Variants in PCSK6 observed in about 807,000 individuals in gnomAD.
The protein encoded by PCSK6 is paired basic amino acid cleaving enzyme 4.
PCSK6 carries 85 observed loss-of-function variants against 123.3 expected under a neutral mutation model. That is an observed-to-expected ratio of 0.69 (90% CI 0.58 to 0.83). PCSK6 has a LOEUF of 0.83. Among genes scored for constraint, PCSK6 ranks in the 40% least tolerant of loss-of-function variants. PCSK6 has a pLI of 0.00. For missense variants in PCSK6, 1,191 were observed against 1,282.3 expected (o/e 0.93, Z 1.09); for synonymous variants, 508 against 516.0 (o/e 0.98, Z 0.21).
intron 13 of PCSK6, among the ~76,000 whole-genome samples, chr15:101,338,506 G>A (rs1242890543): frequency 6.6e-6 from 1 of 152,218 alleles, no homozygotes; most frequent in Non-Finnish European, 1.5e-5. Flanking sequence ...ACAGGCAGAT[G>A]TGTCCAGGGA....
At chr15:101,412,349 C>T (rs192606375) in intron 6 of PCSK6, among the ~76,000 whole-genome samples, 64 of 152,122 alleles carry the variant, frequency 4.2e-4, no homozygotes, top group African/African-American at 1.5e-3. Context: ...ATGGAGGAAA[C>T]GGATGCTGGA....
At chr15:101,348,067 C>G (rs1383698095) in intron 13 of PCSK6, among the ~76,000 whole-genome samples, 3 of 152,230 alleles carry the variant, frequency 2.0e-5, no homozygotes, top group African/African-American at 7.2e-5. Flanking sequence ...GTGTTACCTG[C>G]CCCCTCCAGG....
Position 101,489,540 on chromosome 15 carries a change from A to G in PCSK6, c.131T>C (p.Leu44Pro). Residue 44 changes from leucine to proline, a missense_variant, in exon 1 of 22, where the codon CTC becomes CCC. Leu to Pro is a moderately conservative substitution (Grantham distance 98). Coordinates refer to ENST00000611716, the MANE Select transcript of PCSK6 (RefSeq NM_002570.5). ...CAGCCAGCGCCAGGGACGCGGCGCG[A>G]GCGGCCGGAACCCGGGCCCGCCGGC... ...GGAGGPGFRP[L>P]APRPWRWLLL... 2.0e-6 allele frequency: 2 copies of G among 996,392 alleles called. No individual in the cohort carries two copies. Among genetic ancestry groups the G allele is most frequent in the Non-Finnish European group, 1.2e-6 (1 of 841,012 alleles). 61.7% of individuals were successfully genotyped at this position (996,392 alleles called of 1,614,324 possible).
chr15:101,445,437 T>C (rs574185758), intron 1 of PCSK6, among the ~76,000 whole-genome samples: 161 of 152,334 alleles, frequency 1.1e-3, no homozygotes, highest in Non-Finnish European at 1.8e-3. Context: ...AAGTGCTCGA[T>C]ACACGGTTTT....
In PCSK6 at chr15:101,305,882, G is replaced by A. The variant is rs1238316138; in HGVS notation, c.2813-527C>T. 2 of 155,044 alleles carry A rather than the reference G, an allele frequency of 1.3e-5. No homozygotes were observed. Among genetic ancestry groups the A allele is most frequent in the African/African-American group, 2.4e-5 (1 of 41,434 alleles). The allele number at this position is 155,044 out of a possible 1,614,324, so 9.6% of individuals were successfully genotyped here. A position where few individuals can be genotyped will look rare whatever the true frequency, so the allele number is the denominator to read the frequency against. ...CTCTGGGAGCCCTGTGTGGCGGGAG[G>A]GCACTGGTATATGGGGCTCTTGCTG... is the stretch of plus-strand genomic sequence containing the variant. On this transcript the variant is annotated intron_variant, in intron 21 of 21. Transcript: ENST00000611716. This position sits in a 1 kb window ranked among gnomAD's most constrained non-coding sequence, Gnocchi z 4.8.
intron 18 of PCSK6, among the ~76,000 whole-genome samples, chr15:101,319,999 C>T (rs2040080009): frequency 1.3e-5 from 2 of 152,118 alleles, no homozygotes; most frequent in Admixed American, 1.3e-4. Flanking sequence ...TCGTGATTGA[C>T]ATCAAAGTGG....
rs773637206 is a variant in PCSK6, at chr15:101,307,233, G to T, written c.2792C>A (p.Thr931Asn). The change falls in exon 21 of 22, where the codon ACC (threonine) becomes AAC (asparagine). Residue 931 changes from threonine (T) to asparagine (N), a missense_variant. Physicochemically the swap from Thr to Asn is moderately conservative, Grantham distance 65. This residue lies in a region of PCSK6 where 630 missense variants were observed against 631.4 expected (regional missense o/e 1.00). Transcript: ENST00000611716. Reference sequence around the variant, plus strand: ...CTCACCGTTGCTGCACGTGTGGTTGGTGATGCAGGAGGTCCCCAGCTGTGT... The same window carrying T: ...CTCACCGTTGCTGCACGTGTGGTTGTTGATGCAGGAGGTCCCCAGCTGTGT... ...GFTQLGTSCI[T>N]NHTCSNADET... is the part of the protein sequence containing the mutation. 2.5e-6 allele frequency: 4 copies of T among 1,613,424 alleles called. No individual in the cohort carries two copies. The highest frequency in any genetic ancestry group is 3.4e-6 in the Non-Finnish European group (4 of 1,179,518).
At chr15:101,410,143 G>C (rs1360067770) in intron 6 of PCSK6, among the ~76,000 whole-genome samples, 2 of 152,204 alleles carry the variant, frequency 1.3e-5, no homozygotes. Flanking sequence ...ATGTTGTTGA[G>C]GCTGGTTTCA....
intron 1 of PCSK6, among the ~76,000 whole-genome samples, chr15:101,465,516 C>T (rs891912135): frequency 1.3e-5 from 2 of 152,194 alleles, no homozygotes; most frequent in African/African-American, 4.8e-5. Flanking sequence ...TGGCTCTGAG[C>T]TGGCGGGATG....
chr15:101,367,117 C>A (rs1342806990), intron 12 of PCSK6, among the ~76,000 whole-genome samples: 1 of 152,162 alleles, frequency 6.6e-6, no homozygotes, highest in Admixed American at 6.5e-5. Context: ...TCCCTTTACC[C>A]TTCCCAACTC....
At chr15:101,444,023 A>T (rs2056824550) in intron 1 of PCSK6, among the ~76,000 whole-genome samples, 1 of 152,228 alleles carries the variant, frequency 6.6e-6, no homozygotes, top group Non-Finnish European at 1.5e-5. Context: ...GTTGGTGTCA[A>T]GTCAGGTCTA....
intron 6 of PCSK6, among the ~76,000 whole-genome samples, chr15:101,426,584 C>T (rs770944840): frequency 1.7e-4 from 26 of 152,204 alleles, no homozygotes; most frequent in Middle Eastern, 6.3e-3. Context: ...TCCAAGCCAC[C>T]TTCAAGATTT....
chr15:101,456,930 A>G (rs2141191767), intron 1 of PCSK6, among the ~76,000 whole-genome samples: 1 of 152,258 alleles, frequency 6.6e-6, no homozygotes, highest in South Asian at 2.1e-4. Flanking sequence ...TAATCCCAGC[A>G]CTTTGGGAGG....
rs780482587 is a variant in PCSK6, at chr15:101,370,329, C to T, written c.1721+6G>A. The T allele has an allele frequency of 3.5e-5, 53 of 1,527,422 alleles. No individual in the cohort carries two copies. In the East Asian group the frequency reaches 1.2e-3, roughly 36 times the overall value. The allele number at this position is 1,527,422 out of a possible 1,614,324, so 94.6% of individuals were successfully genotyped here. A position where few individuals can be genotyped will look rare whatever the true frequency, so the allele number is the denominator to read the frequency against. ...AGACCCCATCCCCACGCCTGCCTCG[C>T]CTTACCTCTTTGCCAGAAGTTGAGA... On this transcript the variant is annotated splice_donor_region_variant and intron_variant, in intron 12 of 21. Coordinates refer to ENST00000611716, the MANE Select transcript of PCSK6 (RefSeq NM_002570.5).
rs545162658 is a variant in PCSK6, at chr15:101,390,764, T to A, written c.1210-1200A>T. ...AAGGAACCACGGCCCTGCCAGCACC[T>A]TGGTCTTGGCCTCGTGAGACTCAAA... On this transcript the variant is annotated intron_variant, in intron 8 of 21. Coordinates refer to ENST00000611716, the MANE Select transcript of PCSK6 (RefSeq NM_002570.5). Among the ~76,000 whole-genome samples the A allele has an allele frequency of 1.5e-4, 23 of 152,322 alleles. No individual in the cohort carries two copies. In the East Asian group the frequency reaches 3.9e-3, roughly 26 times the overall value.
At chr15:101,413,024 G>GAGGAGGAGGAGT (rs560979744) in intron 6 of PCSK6, among the ~76,000 whole-genome samples, 11 of 147,948 alleles carry the variant, frequency 7.4e-5, no homozygotes, top group African/African-American at 2.2e-4. Flanking sequence ...GGAGGAGGAG[G>GAGGAGGAGGAGT]AGGAGGAGGA....
At chr15:101,405,367 A>G (rs1567196993) in intron 6 of PCSK6, among the ~76,000 whole-genome samples, 1 of 152,194 alleles carries the variant, frequency 6.6e-6, no homozygotes, top group Non-Finnish European at 1.5e-5. Flanking sequence ...TGGCACAATG[A>G]ACCCGCCTGC....
intron 1 of PCSK6, among the ~76,000 whole-genome samples, chr15:101,481,855 C>G (rs1302345236): frequency 6.6e-6 from 1 of 152,194 alleles, no homozygotes; most frequent in Non-Finnish European, 1.5e-5. Context: ...TGAGTGGCTT[C>G]CTAGAAGGAC....
chr15:101,442,191 G>C (rs1040103796), intron 2 of PCSK6, among the ~76,000 whole-genome samples: 3 of 152,200 alleles, frequency 2.0e-5, no homozygotes, highest in Non-Finnish European at 4.4e-5. Flanking sequence ...GGGTGAGACG[G>C]TGCATGTAAA....
Sources: allele counts gnomAD v4.1 joint callset (sites outside exome capture counted in the v4.1 genomes callset), GRCh38; gene constraint gnomAD v4.1.1; regional missense constraint gnomAD v4.1.1; non-coding constraint Gnocchi (gnomAD v3.1); transcripts MANE v1.5; gene names NCBI Gene and HGNC (gene_info 2026-07-23, HGNC 2026-07-21).